The following NOTCH1 variants were observed in gnomAD, a reference collection of about 807,000 sequenced individuals.
The protein encoded by NOTCH1 is notch receptor 1, also known as neurogenic locus notch homolog protein 1.
NOTCH1 carries 37 observed loss-of-function variants against 254.8 expected under a neutral mutation model. The observed-to-expected ratio is 0.15, with a 90% CI of 0.11 to 0.19. The LOEUF (loss-of-function observed/expected upper bound fraction) is 0.19, where lower values mean the gene tolerates loss of function less well. Among genes scored for constraint, NOTCH1 ranks in the 10% least tolerant of loss-of-function variants. The probability of loss-of-function intolerance (pLI) is 1.00; values close to 1 mark genes in which losing one functional copy is unlikely to be tolerated. For missense variants in NOTCH1, 2,972 were observed against 3,708.6 expected (o/e 0.80, Z 5.16); for synonymous variants, 1,731 against 1,618.1 (o/e 1.07, Z -1.68).
Position 136,518,830 on chromosome 9 carries a change from G to C in NOTCH1, c.866-6C>G, listed in dbSNP as rs1278229913. ...ATCCTCGGTACAGTACTGACCTGCA[G>C]GGAACAGGAGCTGTCGGCCCCGGGC... On this transcript the variant is annotated splice_region_variant and splice_polypyrimidine_tract_variant and intron_variant, in intron 5 of 33. Coordinates refer to ENST00000651671, the MANE Select transcript of NOTCH1 (RefSeq NM_017617.5). 6.2e-7 allele frequency: 1 copy of C among 1,612,168 alleles called. No individual in the cohort carries two copies. Among genetic ancestry groups the C allele is most frequent in the Non-Finnish European group, 8.5e-7 (1 of 1,179,460 alleles).
At position 136,495,230 on chromosome 9, in the gene NOTCH1, CAT is replaced by C. The variant is rs1842898640; in HGVS notation, c.*839_*840del. ...GGCAAGTGCCACAGTCCACACATCT[CAT>C]GTTTGACATGCATGATGCCTACATT... On this transcript the variant is annotated 3_prime_UTR_variant, in exon 34 of 34. Coordinates refer to ENST00000651671, the MANE Select transcript of NOTCH1 (RefSeq NM_017617.5). 2 of 398,932 alleles carry C rather than the reference CAT, an allele frequency of 5.0e-6. No homozygotes were observed. The highest frequency in any genetic ancestry group is 8.8e-6 in the Non-Finnish European group (2 of 226,094). The allele number at this position is 398,932 out of a possible 1,614,324, so 24.7% of individuals were successfully genotyped here. A position where few individuals can be genotyped will look rare whatever the true frequency, so the allele number is the denominator to read the frequency against.
Position 136,502,758 on chromosome 9 carries a change from C to T in NOTCH1, c.5168-270G>A, listed in dbSNP as rs756776565. ...GAAGGAGGATTAGTCAACTTCAAAT[C>T]GCTGCACTCGCACTGAGCTGTTAAG... On this transcript the variant is annotated intron_variant, in intron 27 of 33. Transcript: ENST00000651671. 527 of 569,224 alleles carry T rather than the reference C, an allele frequency of 9.3e-4. 1 individual carries two copies. The highest frequency in any genetic ancestry group is 1.4e-3 in the Non-Finnish European group (440 of 318,900). 35.3% of individuals were successfully genotyped at this position (569,224 alleles called of 1,614,324 possible). A position where few individuals can be genotyped will look rare whatever the true frequency, so the allele number is the denominator to read the frequency against.
rs752136178 is a variant in NOTCH1, at chr9:136,496,814, C to T, written c.6925G>A (p.Glu2309Lys). 8.7e-6 allele frequency: 14 copies of T among 1,612,818 alleles called. No individual in the cohort carries two copies. Among genetic ancestry groups the T allele is most frequent in the East Asian group, 2.2e-5 (1 of 44,896 alleles). ...GGSTSLNGQC[E>K]WLSRLQSGMV... is the part of the protein sequence containing the mutation. The stretch of plus-strand genomic sequence containing the variant: ...CCGCTCTGCAGCCGGGACAGCCACT[C>T]GCATTGACCATTCAAACTGGTGGAC... Residue 2309 changes from glutamate to lysine, a missense_variant, in exon 34 of 34, where the codon GAG (glutamate) becomes AAG (lysine). Transcript: ENST00000651671.
chr9:136,512,010 C>T (rs564312084), intron 15 of NOTCH1, among the ~76,000 whole-genome samples: 1 of 152,252 alleles, frequency 6.6e-6, no homozygotes, highest in African/African-American at 2.4e-5. Context: ...GGGCGACTTT[C>T]CAGGGCCTCT....
chr9:136,526,147 C>T (rs535770532), intron 2 of NOTCH1, among the ~76,000 whole-genome samples: 2 of 152,356 alleles, frequency 1.3e-5, no homozygotes, highest in South Asian at 4.1e-4. Flanking sequence ...GTTGGGAGGG[C>T]AGACGTGGTT....
At chr9:136,528,393 G>GA (rs1843503104) in intron 2 of NOTCH1, among the ~76,000 whole-genome samples, 2 of 13,200 alleles carry the variant, frequency 1.5e-4, no homozygotes, top group Admixed American at 7.5e-4. Context: ...CAGGGACAGT[G>GA]GGGGGGGATG....
chr9:136,541,281 C>A (rs1167052776), intron 2 of NOTCH1, among the ~76,000 whole-genome samples: 3 of 152,162 alleles, frequency 2.0e-5, no homozygotes, highest in African/African-American at 7.2e-5. Flanking sequence ...TTTCCAATCC[C>A]GGGCCCTGCA....
At position 136,514,370 on chromosome 9, in the gene NOTCH1, G is replaced by A. The variant is rs561274096; in HGVS notation, c.2207+140C>T. The A allele has an allele frequency of 2.8e-5, 25 of 888,394 alleles. No individual in the cohort carries two copies. In the East Asian group the frequency reaches 3.4e-4, roughly 12 times the overall value. 55.0% of individuals were successfully genotyped at this position (888,394 alleles called of 1,614,324 possible). A position where few individuals can be genotyped will look rare whatever the true frequency, so the allele number is the denominator to read the frequency against. ...AGGACCCAGAGGCATGTGCGTCCCC[G>A]AGGGGAGCTCCCTGCCACCCAGCCC... is the stretch of plus-strand genomic sequence containing the variant. On this transcript the variant is annotated intron_variant, in intron 13 of 33. Coordinates refer to ENST00000651671, the MANE Select transcript of NOTCH1 (RefSeq NM_017617.5).
chr9:136,532,615 G>A (rs894603990), intron 2 of NOTCH1, among the ~76,000 whole-genome samples: 9 of 152,182 alleles, frequency 5.9e-5, no homozygotes, highest in Non-Finnish European at 1.0e-4. Flanking sequence ...CCATGACTCC[G>A]TAGCCAACTC....
At chr9:136,507,570 T>C (rs1589060451) in intron 21 of NOTCH1, 133 bp from the exon 22 acceptor site, 1 of 1,292,126 alleles carries the variant, frequency 7.7e-7, no homozygotes, top group East Asian at 2.5e-5. Context: ...GGCCCCTCGC[T>C]CCTGTCAGAC....
chr9:136,525,605 C>G (rs1011562791), intron 2 of NOTCH1, among the ~76,000 whole-genome samples: 2 of 152,124 alleles, frequency 1.3e-5, no homozygotes, highest in African/African-American at 2.4e-5. Flanking sequence ...CTGCGGCGGC[C>G]GCCTGCCCCA....
intron 7 of NOTCH1, 64 bp downstream of exon 7, chr9:136,518,073 T>C: frequency 6.4e-7 from 1 of 1,550,536 alleles, no homozygotes; most frequent in Non-Finnish European, 8.7e-7. Flanking sequence ...AGAATCGACT[T>C]CTCATCGGTT....
rs1354367811 is a variant in NOTCH1 at position 136,494,783 on chromosome 9, T to C, written c.*1288A>G. 2.5e-6 allele frequency: 1 copy of C among 398,720 alleles called. No individual in the cohort carries two copies. The highest frequency in any genetic ancestry group is 4.4e-6 in the Non-Finnish European group (1 of 226,026). The allele number at this position is 398,720 out of a possible 1,614,324, so 24.7% of individuals were successfully genotyped here. On this transcript the variant is annotated 3_prime_UTR_variant, in exon 34 of 34. Coordinates refer to ENST00000651671, the MANE Select transcript of NOTCH1 (RefSeq NM_017617.5). The stretch of plus-strand genomic sequence containing the variant: ...CACACAACAGACTCATTCATTAAGA[T>C]TTTTTAAACAAAATCCACCTTTAAA...
chr9:136,500,939 C>T (rs1842985924), intron 30 of NOTCH1, 92 bp from the exon 31 acceptor site: 2 of 1,411,974 alleles, frequency 1.4e-6, no homozygotes, highest in African/African-American at 2.8e-5. Flanking sequence ...CTCAAGGGGC[C>T]ACGGTGTGGA....
At chr9:136,534,251 T>C (rs985271230) in intron 2 of NOTCH1, among the ~76,000 whole-genome samples, 1 of 152,170 alleles carries the variant, frequency 6.6e-6, no homozygotes, top group African/African-American at 2.4e-5. Flanking sequence ...GTGCTACCTG[T>C]GGAAGAGTTT....
At position 136,502,409 on chromosome 9, in the gene NOTCH1, G is replaced by A. The variant is rs762483384; in HGVS notation, c.5247C>T (p.Phe1749=). 19 of 1,611,296 alleles carry A rather than the reference G, an allele frequency of 1.2e-5. No individual in the cohort carries two copies. Among genetic ancestry groups the A allele is most frequent in the East Asian group, 6.7e-5 (3 of 44,850 alleles). The change falls in exon 28 of 34, where the codon TTC becomes TTT. Residue 1749 remains phenylalanine (F), a synonymous_variant. Transcript: ENST00000651671. ...VAAAAFVLLF[F]VGCGVLLSRK... ...GGGACAGCAGCACCCCGCAGCCCAC[G>A]AAGAACAGAAGCACAAAGGCGGCCG...
chr9:136,509,657 T>C lies in NOTCH1; in HGVS notation c.2969+76A>G, dbSNP rs533324445. 6 of 1,358,912 alleles carry C rather than the reference T, an allele frequency of 4.4e-6. No individual in the cohort carries two copies. The East Asian group carries it at 1.4e-4, about 31-fold the overall frequency. The allele number at this position is 1,358,912 out of a possible 1,614,324, so 84.2% of individuals were successfully genotyped here. ...CCGGCCTAGGCGGACGCCTGCATGG[T>C]GTGCCAGGCTGCCAGCTACTGCGTG... On this transcript the variant is annotated intron_variant, in intron 18 of 33. Coordinates refer to ENST00000651671, the MANE Select transcript of NOTCH1 (RefSeq NM_017617.5).
In NOTCH1 at chr9:136,505,450, G is replaced by A. The variant is rs1229602575; in HGVS notation, c.4446C>T (p.Asn1482=). The A allele has an allele frequency of 3.1e-6, 5 of 1,612,796 alleles. No individual in the cohort carries two copies. The highest frequency in any genetic ancestry group is 2.2e-5 in the South Asian group (2 of 91,096). Residue 1482 remains asparagine (N), a synonymous_variant, in exon 25 of 34, where the codon AAC becomes AAT. Coordinates refer to ENST00000651671, the MANE Select transcript of NOTCH1 (RefSeq NM_017617.5). ...CGWDGGDCSL[N]FNDPWKNCTQ... The stretch of plus-strand genomic sequence containing the variant: ...TGCAGTTCTTCCAGGGGTCATTGAA[G>A]TTGAGGGAGCAGTCACCGCCGTCCC...
In NOTCH1 at chr9:136,505,582, G is replaced by T; in HGVS notation, c.4314C>A (p.Arg1438=). Residue 1438 remains arginine, a synonymous_variant, in exon 25 of 34, where the codon CGC becomes CGA. Transcript: ENST00000651671. Reference sequence around the variant, plus strand: ...CCTCGATCAGCGGCGGGGGGATGTCGCGCCCGGCCCCACCCCCGAAGCTGT... The same window carrying T: ...CCTCGATCAGCGGCGGGGGGATGTCTCGCCCGGCCCCACCCCCGAAGCTGT... ...LDYSFGGGAG[R]DIPPPLIEEA... is the part of the protein sequence containing the mutation. 6.2e-7 allele frequency: 1 copy of T among 1,610,134 alleles called. No homozygotes were observed. The highest frequency in any genetic ancestry group is 8.5e-7 in the Non-Finnish European group (1 of 1,178,788).
Sources: allele counts gnomAD v4.1 joint callset (sites outside exome capture counted in the v4.1 genomes callset), GRCh38; gene constraint gnomAD v4.1.1; transcripts MANE v1.5; gene names NCBI Gene and HGNC (gene_info 2026-07-23, HGNC 2026-07-21).